OPN4: variants seen among roughly 807,000 people sequenced by gnomAD.
OPN4 encodes melanopsin.
Under a neutral mutation model 49.5 loss-of-function variants are expected in OPN4, and 43 were observed. That is an observed-to-expected ratio of 0.87 (90% CI 0.68 to 1.12). The LOEUF (loss-of-function observed/expected upper bound fraction) is 1.12. OPN4 is among the 50% of genes most tolerant of loss of function. The pLI is 0.00. For missense variants in OPN4, 657 were observed against 643.9 expected, an observed-to-expected ratio of 1.02 and a Z score of -0.22; for synonymous variants, 263 against 258.0, an observed-to-expected ratio of 1.02 and a Z score of -0.19.
Position 86,662,407 on chromosome 10 carries a change from A to G in OPN4, c.1229A>G (p.Glu410Gly). The G allele has an allele frequency of 6.4e-7, 1 of 1,557,650 alleles. No homozygotes were observed. The highest frequency in any genetic ancestry group is 8.7e-7 in the Non-Finnish European group (1 of 1,152,242). ...TGGATCTCCATACGGAGGCGCCAGG[A>G]GTCCCTGGGCTCGGAGAGTGAGGTG... ...LSWISIRRRQESLGSESEVGW... is the reference protein window; with the variant it reads ...LSWISIRRRQGSLGSESEVGW... Residue 410 changes from glutamate to glycine, a missense_variant, in exon 8 of 10, where the codon GAG becomes GGG. Glu to Gly is a moderately conservative substitution (Grantham distance 98, BLOSUM62 -2). Transcript: ENST00000241891.
chr10:86,655,058 T>TACTGG (rs2132298003), intron 1 of OPN4, 131 bp downstream of exon 1: 1 of 929,306 alleles, frequency 1.1e-6, no homozygotes. Flanking sequence ...CTTGAGCCAT[T>TACTGG]ACTGGACCTC....
Position 86,666,421 on chromosome 10 carries a change from T to TGGTC in OPN4, c.*670_*671insGGTC. 1 of 205,578 alleles carries TGGTC rather than the reference T, an allele frequency of 4.9e-6. No individual in the cohort carries two copies. The highest frequency in any genetic ancestry group is 9.0e-5 in the South Asian group (1 of 11,096). The allele number at this position is 205,578 out of a possible 1,614,324, so 12.7% of individuals were successfully genotyped here. A position where few individuals can be genotyped will look rare whatever the true frequency, so the allele number is the denominator to read the frequency against. On this transcript the variant is annotated 3_prime_UTR_variant, in exon 10 of 10. Coordinates refer to ENST00000241891, the MANE Select transcript of OPN4 (RefSeq NM_033282.4). ...CCAGGGCTGTGTGGATCTGACAGGG[T>TGGTC]ATAGGAAAATAAAAAGCGGAGAAGG...
chr10:86,665,719 G>T lies in OPN4; in HGVS notation c.1405G>T (p.Gly469Trp). 1.9e-6 allele frequency: 3 copies of T among 1,613,510 alleles called. No homozygotes were observed. Among genetic ancestry groups the T allele is most frequent in the Non-Finnish European group, 2.5e-6 (3 of 1,179,590 alleles). Residue 469 changes from glycine (G) to tryptophan (W), a missense_variant, in exon 10 of 10, where the codon GGG (glycine) becomes TGG (tryptophan). Coordinates refer to ENST00000241891, the MANE Select transcript of OPN4 (RefSeq NM_033282.4). ...GTGTGCTGTTTGTTTGCAGACCAAG[G>T]GGCTGATCCCCAGCCAGGACCCCAG... ...HEAETPGKTK[G>W]LIPSQDPRM is the part of the protein sequence containing the mutation.
chr10:86,657,186 G>T (rs778346973), intron 2 of OPN4: 1 of 780,112 alleles, frequency 1.3e-6, no homozygotes, highest in Non-Finnish European at 2.4e-6. Flanking sequence ...TTTTCTTTCC[G>T]CAAAACAGAG....
intron 8 of OPN4, 148 bp downstream of exon 8, chr10:86,662,580 T>C: frequency 1.4e-6 from 1 of 736,994 alleles, no homozygotes; most frequent in Non-Finnish European, 2.2e-6. Flanking sequence ...GAAGAGCCCC[T>C]CCCAACACCC....
intron 1 of OPN4, 54 bp from the exon 2 acceptor site, chr10:86,656,101 A>G: frequency 3.7e-6 from 6 of 1,611,368 alleles, no homozygotes; most frequent in Non-Finnish European, 5.1e-6. Context: ...TCTCAGGACT[A>G]TTTGAAGGTG....
At chr10:86,661,234 T>C (rs1311484505) in intron 6 of OPN4, 47 bp from the exon 7 acceptor site, 1 of 1,475,482 alleles carries the variant, frequency 6.8e-7, no homozygotes, top group Admixed American at 1.7e-5. Context: ...AGAGAAGGTG[T>C]GTCAGGAGGG....
At chr10:86,660,738 G>A (rs1206806115) in intron 6 of OPN4, among the ~76,000 whole-genome samples, 1 of 152,124 alleles carries the variant, frequency 6.6e-6, no homozygotes, top group Non-Finnish European at 1.5e-5. Flanking sequence ...AGGAACAGTG[G>A]ACCTGGGAAC....
chr10:86,661,687 A>AC (rs3842237), intron 7 of OPN4, among the ~76,000 whole-genome samples: 280 of 142,154 alleles, frequency 2.0e-3, no homozygotes, highest in Non-Finnish European at 3.0e-3. Flanking sequence ...GAATTTAAGC[A>AC]CCCCCCCGCC....
At position 86,656,083 on chromosome 10, in the gene OPN4, C is replaced by T. The variant is rs899175987; in HGVS notation, c.145-72C>T. Reference sequence around the variant, plus strand: ...CCACCTGCCCTGTTGAGAATCCTAACTCTTCCTTCTCAGGACTATTTGAAG... The same window carrying T: ...CCACCTGCCCTGTTGAGAATCCTAATTCTTCCTTCTCAGGACTATTTGAAG... On this transcript the variant is annotated intron_variant, in intron 1 of 9. Transcript: ENST00000241891. 3.0e-5 allele frequency: 48 copies of T among 1,597,470 alleles called. No individual in the cohort carries two copies. The Admixed American group carries it at 5.7e-4, about 19-fold the overall frequency.
chr10:86,659,781 A>G, intron 5 of OPN4, 114 bp from the exon 6 acceptor site: 1 of 1,130,224 alleles, frequency 8.8e-7, no homozygotes, highest in Non-Finnish European at 1.3e-6. Context: ...AAGGAATGAC[A>G]CTCTCACGAG....
intron 7 of OPN4, among the ~76,000 whole-genome samples, chr10:86,661,960 G>A (rs1844017941): frequency 6.6e-6 from 1 of 152,114 alleles, no homozygotes; most frequent in Non-Finnish European, 1.5e-5. Context: ...CAGAGATGTG[G>A]CTTGAGCCAG....
In OPN4 at chr10:86,662,278, G is replaced by C; in HGVS notation, c.1100G>C (p.Cys367Ser). The C allele has an allele frequency of 6.2e-7, 1 of 1,609,688 alleles. No individual in the cohort carries two copies. Among genetic ancestry groups the C allele is most frequent in the Non-Finnish European group, 8.5e-7 (1 of 1,179,420 alleles). Residue 367 changes from cysteine to serine, a missense_variant, in exon 8 of 10, where the codon TGC becomes TCC. Coordinates refer to ENST00000241891, the MANE Select transcript of OPN4 (RefSeq NM_033282.4). ...GTGGCCATTGCCCAGCACCTGCCCT[G>C]CCTGGGGGTGCTGCTGGGTGTATCA... is the stretch of plus-strand genomic sequence containing the variant. ...YRVAIAQHLP[C>S]LGVLLGVSRR...
chr10:86,656,680 C>T (rs1766818857), intron 2 of OPN4, among the ~76,000 whole-genome samples: 1 of 152,134 alleles, frequency 6.6e-6, no homozygotes, highest in Admixed American at 6.5e-5. Flanking sequence ...CGTGGTGGCT[C>T]CCGCCTGTAA....
chr10:86,656,824 A>G (rs1843878679), intron 2 of OPN4, among the ~76,000 whole-genome samples: 1 of 151,916 alleles, frequency 6.6e-6, no homozygotes, highest in Non-Finnish European at 1.5e-5. Flanking sequence ...GTGTGCCTAT[A>G]ATCCAAGCTG....
intron 8 of OPN4, 150 bp downstream of exon 8, chr10:86,662,582 C>A: frequency 1.4e-6 from 1 of 730,134 alleles, no homozygotes; most frequent in Non-Finnish European, 2.2e-6. Context: ...AGAGCCCCTC[C>A]CAACACCCCC....
chr10:86,654,881 A>G lies in OPN4; in HGVS notation c.98A>G (p.Gln33Arg). The change falls in exon 1 of 10, where the codon CAG (glutamine) becomes CGG (arginine). Residue 33 changes from glutamine (Q) to arginine (R), a missense_variant. By Grantham distance (43) the Gln-to-Arg change is conservative (BLOSUM62 1). Transcript: ENST00000241891. Reference protein sequence around the residue: ...PAPPSWWDSSQSSISSLGRLP... With the variant: ...PAPPSWWDSSRSSISSLGRLP... Reference sequence around the variant, plus strand: ...CCACCCAGCTGGTGGGACAGCTCCCAGAGCAGCATCTCCAGCCTGGGCCGG... The same window carrying G: ...CCACCCAGCTGGTGGGACAGCTCCCGGAGCAGCATCTCCAGCCTGGGCCGG... 6.6e-7 allele frequency: 1 copy of G among 1,511,646 alleles called. No individual in the cohort carries two copies. Among genetic ancestry groups the G allele is most frequent in the Non-Finnish European group, 8.9e-7 (1 of 1,117,724 alleles). 93.6% of individuals were successfully genotyped at this position (1,511,646 alleles called of 1,614,324 possible). A position where few individuals can be genotyped will look rare whatever the true frequency, so the allele number is the denominator to read the frequency against.
At chr10:86,662,716 A>C (rs1381723134) in intron 8 of OPN4, among the ~76,000 whole-genome samples, 2 of 152,204 alleles carry the variant, frequency 1.3e-5, no homozygotes, top group Non-Finnish European at 2.9e-5. Context: ...ATCCTTTTCC[A>C]TGCTGACACT....
intron 5 of OPN4, among the ~76,000 whole-genome samples, 185 bp downstream of exon 5, chr10:86,659,653 C>T (rs1017579350): frequency 2.6e-5 from 4 of 152,168 alleles, no homozygotes; most frequent in African/African-American, 4.8e-5. Flanking sequence ...GCTTCTGGGG[C>T]GGGCTTTTCG....
Sources: gnomAD v4.1 joint callset for allele counts (sites outside exome capture counted in the v4.1 genomes callset) on GRCh38, gnomAD v4.1.1 for gene constraint, MANE v1.5 for transcripts, NCBI Gene and HGNC (gene_info 2026-07-23, HGNC 2026-07-21) for gene names.